Variants in FSTL4 observed in about 807,000 individuals in gnomAD.
FSTL4 encodes the protein follistatin like 4.
Under a neutral mutation model 78.2 loss-of-function variants are expected in FSTL4, and 28 were observed. The ratio of observed to expected loss-of-function variants is 0.36; its 90% CI spans 0.27 to 0.49. FSTL4 has a LOEUF of 0.49. FSTL4 is among the 20% of genes least tolerant of loss of function. FSTL4 has a pLI of 0.98. For missense variants in FSTL4, 922 were observed against 1,084.9 expected (o/e 0.85, Z 2.11); for synonymous variants, 422 against 440.5 (o/e 0.96, Z 0.53).
At chr5:133,774,211 G>A in the FSTL4 span, among the ~76,000 whole-genome samples, 1,266 of 152,258 alleles carry the variant, frequency 8.3e-3, 17 homozygotes, top group African/African-American at 0.026. Flanking sequence ...GAACAGATAC[G>A]GCTGAAGATC....
the FSTL4 span, among the ~76,000 whole-genome samples, chr5:133,653,004 T>C: frequency 1.3e-5 from 2 of 151,976 alleles, no homozygotes; most frequent in South Asian, 2.1e-4. Flanking sequence ...ACCCAGAAAA[T>C]AGTCTATATA....
the FSTL4 span, among the ~76,000 whole-genome samples, chr5:133,707,302 T>G: frequency 6.6e-6 from 1 of 152,194 alleles, no homozygotes; most frequent in Non-Finnish European, 1.5e-5. Flanking sequence ...CTCACTGATG[T>G]CTTGCCTATC....
chr5:133,215,575 G>A (rs929430415), intron 13 of FSTL4, among the ~76,000 whole-genome samples: 2 of 152,160 alleles, frequency 1.3e-5, no homozygotes, highest in African/African-American at 4.8e-5. Flanking sequence ...TCCCTGCCTT[G>A]CCTGAAGTCT....
chr5:133,630,131 C>T, the FSTL4 span, among the ~76,000 whole-genome samples: 7 of 152,208 alleles, frequency 4.6e-5, no homozygotes, highest in African/African-American at 9.6e-5. Context: ...AACATAGTAT[C>T]GGAAGTTCTG....
chr5:133,823,867 G>A, the FSTL4 span, among the ~76,000 whole-genome samples: 3 of 152,304 alleles, frequency 2.0e-5, no homozygotes, highest in Admixed American at 1.3e-4. Context: ...GCAACTCCCC[G>A]CTGCAGAACA....
chr5:133,691,859 G>A, the FSTL4 span, among the ~76,000 whole-genome samples: 4 of 152,204 alleles, frequency 2.6e-5, no homozygotes, highest in Non-Finnish European at 5.9e-5. Flanking sequence ...GACGGCAGGG[G>A]ATGGGACACA....
intron 2 of FSTL4, among the ~76,000 whole-genome samples, chr5:133,590,163 G>A (rs1329948959): frequency 6.6e-6 from 1 of 151,716 alleles, no homozygotes; most frequent in African/African-American, 2.4e-5. Flanking sequence ...CACCAGGCTA[G>A]AGTGCAGTGG....
intron 3 of FSTL4, among the ~76,000 whole-genome samples, chr5:133,416,058 A>G (rs913443299): frequency 6.6e-6 from 1 of 152,206 alleles, no homozygotes; most frequent in Non-Finnish European, 1.5e-5. Context: ...ATAGCTCACC[A>G]CTAAGAAGAA....
chr5:133,578,000 A>G (rs186028113), intron 2 of FSTL4, among the ~76,000 whole-genome samples: 3 of 152,362 alleles, frequency 2.0e-5, no homozygotes, highest in East Asian at 3.9e-4. Flanking sequence ...TCTATTGCCT[A>G]TCTTACAATA....
chr5:133,658,758 T>C, the FSTL4 span, among the ~76,000 whole-genome samples: 1 of 152,162 alleles, frequency 6.6e-6, no homozygotes, highest in African/African-American at 2.4e-5. Flanking sequence ...GTAAATTTAT[T>C]TAAAGCCATA....
chr5:133,407,664 G>A (rs1026944139), intron 3 of FSTL4, among the ~76,000 whole-genome samples: 1 of 152,324 alleles, frequency 6.6e-6, no homozygotes, highest in South Asian at 2.1e-4. Flanking sequence ...TGTCAATTCT[G>A]CCAAAAGAGT....
chr5:133,466,378 T>TA (rs2112843451), intron 3 of FSTL4, among the ~76,000 whole-genome samples: 1 of 152,094 alleles, frequency 6.6e-6, no homozygotes, highest in South Asian at 2.1e-4. Flanking sequence ...CCGTCTCTAC[T>TA]AAAAATACAA....
the FSTL4 span, among the ~76,000 whole-genome samples, chr5:133,761,741 C>T: frequency 6.6e-6 from 1 of 152,138 alleles, no homozygotes; most frequent in Non-Finnish European, 1.5e-5. Context: ...AGGTGCTTGA[C>T]AGCTATTTAC....
the FSTL4 span, among the ~76,000 whole-genome samples, chr5:133,713,416 T>C: frequency 1.3e-5 from 2 of 152,202 alleles, no homozygotes; most frequent in African/African-American, 4.8e-5. Flanking sequence ...GGCTACCCCT[T>C]GCTGCAAGAT....
chr5:133,823,653 C>T, the FSTL4 span, among the ~76,000 whole-genome samples: 1 of 152,202 alleles, frequency 6.6e-6, no homozygotes, highest in South Asian at 2.1e-4. Context: ...CCAGGGGAGT[C>T]CTGCTTGGCC....
At chr5:133,671,208 C>G in the FSTL4 span, among the ~76,000 whole-genome samples, 1 of 152,094 alleles carries the variant, frequency 6.6e-6, no homozygotes, top group African/African-American at 2.4e-5. Context: ...GCTGATAACC[C>G]AGGAATGAGA....
chr5:133,810,873 C>T, the FSTL4 span, among the ~76,000 whole-genome samples: 99,794 of 152,098 alleles, frequency 0.66, 33,325 homozygotes, highest in East Asian at 0.81. Flanking sequence ...AGGTAGTCTT[C>T]TCTTATTGGC....
chr5:133,247,354 C>T (rs1752071496), intron 7 of FSTL4: 1 of 152,214 alleles, frequency 6.6e-6, no homozygotes, highest in South Asian at 2.1e-4. Context: ...AGGAAGACCA[C>T]TCAAAGTAAT....
intron 3 of FSTL4, among the ~76,000 whole-genome samples, chr5:133,439,951 A>AG (rs1020086289): frequency 3.3e-5 from 5 of 152,156 alleles, no homozygotes; most frequent in African/African-American, 9.7e-5. Context: ...ACACCCTGGG[A>AG]GGGGTCAGAC....
Sources: gnomAD v4.1 joint callset for allele counts (sites outside exome capture counted in the v4.1 genomes callset) on GRCh38, gnomAD v4.1.1 for gene constraint, MANE v1.5 for transcripts, NCBI Gene and HGNC (gene_info 2026-07-23, HGNC 2026-07-21) for gene names.